Variants in CSMD1 observed in about 807,000 individuals in gnomAD.
CSMD1 encodes the protein CUB and Sushi multiple domains 1, also known as CUB and sushi domain-containing protein 1.
In CSMD1, 213 loss-of-function variants were observed where a neutral mutation model predicts 417.5. That is an observed-to-expected ratio of 0.51 (90% CI 0.46 to 0.57). CSMD1 has a LOEUF of 0.57. CSMD1 is among the 20% of genes least tolerant of loss of function. CSMD1 has a pLI of 0.00. For missense variants in CSMD1, 6,923 were observed against 4,529.7 expected, an observed-to-expected ratio of 1.53 and a Z score of -15.17; for synonymous variants, 2,862 against 1,736.8, an observed-to-expected ratio of 1.65 and a Z score of -16.11.
intron 3 of CSMD1, among the ~76,000 whole-genome samples, chr8:4,397,459 ATC>A (rs201207533): frequency 0.027 from 3,919 of 147,444 alleles, 158 homozygotes; most frequent in African/African-American, 0.092. Flanking sequence ...GAGATACGTG[ATC>A]TGTTGCAGGG....
chr8:4,633,788 T>C (rs1350273975), intron 2 of CSMD1, among the ~76,000 whole-genome samples: 1 of 151,978 alleles, frequency 6.6e-6, no homozygotes, highest in Non-Finnish European at 1.5e-5. Flanking sequence ...CTCAAACTCC[T>C]GACCTCAGGT....
At chr8:4,005,639 G>C (rs564521318) in intron 4 of CSMD1, among the ~76,000 whole-genome samples, 4 of 152,174 alleles carry the variant, frequency 2.6e-5, no homozygotes, top group Non-Finnish European at 5.9e-5. Context: ...AGAACATAGG[G>C]TGTCTCCCAT....
rs545212684 is a variant in CSMD1 at position 3,520,039 on chromosome 8, T to TATATATAC, written c.1345-26314_1345-26313insGTATATAT. Among the ~76,000 whole-genome samples the TATATATAC allele has an allele frequency of 1.5e-3, 215 of 147,172 alleles. 2 individuals carry two copies. Among genetic ancestry groups the TATATATAC allele is most frequent in the Middle Eastern group, 0.011 (3 of 284 alleles). On this transcript the variant is annotated intron_variant, in intron 10 of 69. Transcript: ENST00000635120. ...ATATACCTATATATATATATATATATACACGTATAGTTGTGAAACTTGCTC... is the reference window on the plus strand; with the variant it reads ...ATATACCTATATATATATATATATATATATATACACACGTATAGTTGTGAAACTTGCTC...
chr8:4,597,727 A>G (rs1313409873), intron 2 of CSMD1, among the ~76,000 whole-genome samples: 1 of 152,084 alleles, frequency 6.6e-6, no homozygotes, highest in Non-Finnish European at 1.5e-5. Flanking sequence ...CACATGAAAA[A>G]CTGTAGTTTA....
intron 10 of CSMD1, among the ~76,000 whole-genome samples, chr8:3,548,691 C>CACACAT (rs1798781509): frequency 6.7e-6 from 1 of 150,158 alleles, no homozygotes; most frequent in African/African-American, 2.4e-5. Flanking sequence ...CACACACACA[C>CACACAT]ACACACACAC....
intron 52 of CSMD1, among the ~76,000 whole-genome samples, chr8:3,001,212 T>C (rs1219117707): frequency 2.0e-5 from 3 of 152,040 alleles, no homozygotes; most frequent in African/African-American, 7.2e-5. Flanking sequence ...TTCAGGCTGG[T>C]CTTCAACTCC....
At chr8:3,392,256 A>G (rs1430246420) in intron 17 of CSMD1, among the ~76,000 whole-genome samples, 2 of 152,060 alleles carry the variant, frequency 1.3e-5, no homozygotes, top group Non-Finnish European at 2.9e-5. Flanking sequence ...AAAGTATAAT[A>G]AAAAAATAAA....
intron 3 of CSMD1, among the ~76,000 whole-genome samples, chr8:4,089,862 A>T (rs150511729): frequency 6.6e-6 from 1 of 152,268 alleles, no homozygotes; most frequent in African/African-American, 2.4e-5. Context: ...GTGGGATCTC[A>T]CCACAGAGAA....
At chr8:4,139,636 G>C (rs142511784) in intron 3 of CSMD1, among the ~76,000 whole-genome samples, 1 of 151,196 alleles carries the variant, frequency 6.6e-6, no homozygotes, top group East Asian at 1.9e-4. Context: ...TGGAATAGTG[G>C]GACCAGCAGA....
chr8:3,888,706 C>T (rs1286247358), intron 5 of CSMD1, among the ~76,000 whole-genome samples: 2 of 152,152 alleles, frequency 1.3e-5, no homozygotes, highest in African/African-American at 4.8e-5. Flanking sequence ...AGAGATGGTG[C>T]TGCTGGCTGA....
chr8:3,698,855 G>A (rs771025332), intron 7 of CSMD1, among the ~76,000 whole-genome samples: 2 of 152,196 alleles, frequency 1.3e-5, no homozygotes, highest in African/African-American at 2.4e-5. Context: ...CTGAAATAAA[G>A]TTTCTGAGCT....
intron 2 of CSMD1, among the ~76,000 whole-genome samples, chr8:4,613,057 G>A (rs1052926319): frequency 2.0e-5 from 3 of 152,214 alleles, no homozygotes; most frequent in Non-Finnish European, 4.4e-5. Context: ...TTTGCATTTG[G>A]TGGCTGGTTT....
At position 4,265,508 on chromosome 8, in the gene CSMD1, AAATTT is replaced by A. The variant is rs1306534835; in HGVS notation, c.415+154440_415+154444del. On this transcript the variant is annotated intron_variant, in intron 3 of 69. Transcript: ENST00000635120. ...ATTGGAACCTGTTTCAAAAATAGCA[AAATTT>A]AATAGTACAATTTAAAAATTATTTA... Among the ~76,000 whole-genome samples the A allele has an allele frequency of 1.9e-5, 2 of 105,142 alleles. 1 individual carries two copies. Among genetic ancestry groups the A allele is most frequent in the African/African-American group, 5.2e-5 (2 of 38,576 alleles). 69.0% of individuals were successfully genotyped at this position (105,142 alleles called of 152,430 possible). A position where few individuals can be genotyped will look rare whatever the true frequency, so the allele number is the denominator to read the frequency against.
chr8:3,192,001 A>G (rs1554459462), intron 33 of CSMD1, among the ~76,000 whole-genome samples: 1 of 152,044 alleles, frequency 6.6e-6, no homozygotes, highest in Non-Finnish European at 1.5e-5. Flanking sequence ...AATCTGTTTT[A>G]TTTATTTATT....
chr8:2,948,359 G>A (rs950115042), intron 68 of CSMD1, among the ~76,000 whole-genome samples: 1 of 152,042 alleles, frequency 6.6e-6, no homozygotes, highest in East Asian at 1.9e-4. Flanking sequence ...ATAGGAAGCA[G>A]ACGAGGTAGC....
chr8:3,822,875 G>A (rs574703669), intron 5 of CSMD1, among the ~76,000 whole-genome samples: 7 of 152,180 alleles, frequency 4.6e-5, no homozygotes, highest in South Asian at 2.1e-4. Context: ...AATTTAGTGT[G>A]TCTAAATGAG....
rs1292160629 is a variant in CSMD1, at chr8:3,940,074, TA to T, written c.818+57828del. ...GATGTGTAGATTTACATATAAAATA[TA>T]AAAACTTATAAATGCAGATACGCCT... On this transcript the variant is annotated intron_variant, in intron 5 of 69. Coordinates refer to ENST00000635120, the MANE Select transcript of CSMD1 (RefSeq NM_033225.6). 5.9e-5 allele frequency among the ~76,000 whole-genome samples: 9 copies of T among 152,158 alleles called. No homozygotes were observed. In the East Asian group the frequency reaches 1.7e-3, roughly 29 times the overall value.
At chr8:3,842,695 A>C (rs950580681) in intron 5 of CSMD1, among the ~76,000 whole-genome samples, 3 of 152,170 alleles carry the variant, frequency 2.0e-5, no homozygotes, top group Admixed American at 6.5e-5. Context: ...AACTAAAACC[A>C]AACTAATGAG....
At position 4,101,116 on chromosome 8, in the gene CSMD1, G is replaced by C. The variant is rs116286223; in HGVS notation, c.416-69017C>G. On this transcript the variant is annotated intron_variant, in intron 3 of 69. Transcript: ENST00000635120. ...GCATCTACCGGTTAACCAGCGAATA[G>C]TCTTTTAAGGGCCTCAGCAGGACAC... 5.2e-3 allele frequency among the ~76,000 whole-genome samples: 794 copies of C among 152,294 alleles called. 6 individuals carry two copies. The highest frequency in any genetic ancestry group is 0.018 in the African/African-American group (756 of 41,558).
Sources: allele counts gnomAD v4.1 joint callset (sites outside exome capture counted in the v4.1 genomes callset), GRCh38; gene constraint gnomAD v4.1.1; transcripts MANE v1.5; gene names NCBI Gene and HGNC (gene_info 2026-07-23, HGNC 2026-07-21).